The following NELL1 variants were observed in gnomAD, a reference collection of about 807,000 sequenced individuals.
NELL1 encodes neural EGFL like 1.
NELL1 carries 76 observed loss-of-function variants against 107.4 expected under a neutral mutation model. The ratio of observed to expected loss-of-function variants is 0.71; its 90% CI spans 0.59 to 0.86. The LOEUF (loss-of-function observed/expected upper bound fraction) is 0.86. NELL1 is among the 40% of genes least tolerant of loss of function. The pLI, the probability that NELL1 is intolerant of heterozygous loss-of-function variation, is 0.00. For missense variants in NELL1, 1,024 were observed against 1,005.5 expected (o/e 1.02, Z -0.25); for synonymous variants, 353 against 341.2 (o/e 1.03, Z -0.38).
chr11:21,499,636 G>C lies in NELL1; in HGVS notation c.1646-34738G>C, dbSNP rs539356603. Among the ~76,000 whole-genome samples the C allele has an allele frequency of 4.6e-5, 7 of 152,170 alleles. No homozygotes were observed. The East Asian group carries it at 1.4e-3, about 29-fold the overall frequency. The stretch of plus-strand genomic sequence containing the variant: ...TGTAAGTTTTCTTTCCAGGAGGAAG[G>C]CTCTCTGTATTGGTCAACTCTACTA... On this transcript the variant is annotated intron_variant, in intron 15 of 19. Coordinates refer to ENST00000357134, the MANE Select transcript of NELL1 (RefSeq NM_006157.5).
chr11:21,001,296 G>T (rs978895143), intron 12 of NELL1, among the ~76,000 whole-genome samples: 1 of 152,284 alleles, frequency 6.6e-6, no homozygotes, highest in African/African-American at 2.4e-5. Context: ...TTGTTAAGTT[G>T]TTCCCACTTT....
intron 16 of NELL1, among the ~76,000 whole-genome samples, chr11:21,541,416 T>G (rs776349699): frequency 3.2e-4 from 48 of 152,142 alleles, no homozygotes; most frequent in Non-Finnish European, 6.5e-4. Flanking sequence ...CTGAAATCCC[T>G]TGGGAAAGAA....
chr11:21,115,965 T>C (rs1416888923), intron 13 of NELL1, among the ~76,000 whole-genome samples: 2 of 151,992 alleles, frequency 1.3e-5, no homozygotes, highest in Non-Finnish European at 2.9e-5. Flanking sequence ...TCTTTCAACC[T>C]GCTTCCCTAT....
At chr11:21,357,462 T>C (rs921046634) in intron 14 of NELL1, among the ~76,000 whole-genome samples, 1 of 152,222 alleles carries the variant, frequency 6.6e-6, no homozygotes, top group Non-Finnish European at 1.5e-5. Flanking sequence ...ATTTTGAGAA[T>C]TGTCCATTCA....
intron 11 of NELL1, among the ~76,000 whole-genome samples, chr11:20,954,729 G>A (rs1398819432): frequency 6.6e-6 from 1 of 152,164 alleles, no homozygotes; most frequent in Non-Finnish European, 1.5e-5. Context: ...TTTTTGAGAA[G>A]AATGGTTAGG....
intron 14 of NELL1, among the ~76,000 whole-genome samples, chr11:21,322,017 A>G (rs967479109): frequency 7.9e-5 from 12 of 152,358 alleles, no homozygotes; most frequent in African/African-American, 2.9e-4. Flanking sequence ...AAATAAATAG[A>G]TGAATTCCAA....
intron 12 of NELL1, among the ~76,000 whole-genome samples, chr11:21,059,639 A>T (rs910912014): frequency 6.6e-6 from 1 of 152,162 alleles, no homozygotes; most frequent in Non-Finnish European, 1.5e-5. Context: ...AAAGTGATTA[A>T]CGTAATATGA....
intron 9 of NELL1, among the ~76,000 whole-genome samples, chr11:20,928,720 T>C (rs1346936363): frequency 6.6e-6 from 1 of 152,180 alleles, no homozygotes; most frequent in African/African-American, 2.4e-5. Context: ...TATTCTTCTT[T>C]CATTCTATGT....
chr11:20,694,622 A>T (rs1194385701), intron 2 of NELL1, among the ~76,000 whole-genome samples: 2 of 151,966 alleles, frequency 1.3e-5, no homozygotes, highest in African/African-American at 4.8e-5. Context: ...CTATTGGTCT[A>T]TGTGCTTGTT....
intron 15 of NELL1, among the ~76,000 whole-genome samples, chr11:21,515,648 A>C (rs1855541423): frequency 6.6e-6 from 1 of 152,178 alleles, no homozygotes; most frequent in Admixed American, 6.5e-5. Context: ...GGATCAATAA[A>C]GATATTGTAT....
At chr11:21,289,631 C>T (rs566380502) in intron 14 of NELL1, among the ~76,000 whole-genome samples, 42 of 152,204 alleles carry the variant, frequency 2.8e-4, no homozygotes, top group African/African-American at 8.7e-4. Context: ...TTTTCATACT[C>T]CAGTGGCACC....
intron 14 of NELL1, among the ~76,000 whole-genome samples, chr11:21,262,182 C>A (rs1198363491): frequency 1.3e-5 from 2 of 151,750 alleles, no homozygotes; most frequent in Non-Finnish European, 1.5e-5. Context: ...TATAAATACC[C>A]TCTAAGACAT....
intron 4 of NELL1, among the ~76,000 whole-genome samples, chr11:20,867,947 C>T (rs1375273945): frequency 1.3e-5 from 2 of 152,100 alleles, no homozygotes; most frequent in South Asian, 2.1e-4. Context: ...TACCCTCACT[C>T]ATATATACTT....
intron 13 of NELL1, among the ~76,000 whole-genome samples, chr11:21,182,264 T>C (rs1342034135): frequency 1.3e-5 from 2 of 151,544 alleles, no homozygotes; most frequent in Non-Finnish European, 2.9e-5. Flanking sequence ...CGAAACCCCG[T>C]CTCTACTAAA....
intron 7 of NELL1, among the ~76,000 whole-genome samples, chr11:20,921,394 A>G (rs1850373278): frequency 1.3e-5 from 2 of 152,148 alleles, no homozygotes; most frequent in Non-Finnish European, 2.9e-5. Flanking sequence ...TGCTTTACAG[A>G]TGAGATGACT....
chr11:21,061,281 C>G (rs1332998531), intron 12 of NELL1, among the ~76,000 whole-genome samples: 2 of 152,128 alleles, frequency 1.3e-5, no homozygotes, highest in Non-Finnish European at 2.9e-5. Flanking sequence ...GATTTCAAGT[C>G]ATGATAAAAC....
At position 21,271,985 on chromosome 11, in the gene NELL1, A is replaced by G. The variant is rs555652273; in HGVS notation, c.1549+42531A>G. 2.0e-5 allele frequency among the ~76,000 whole-genome samples: 3 copies of G among 152,176 alleles called. No individual in the cohort carries two copies. In the East Asian group the frequency reaches 5.8e-4, roughly 30 times the overall value. ...CAGTTCCCAGCATGAGCGATGCAGA[A>G]GATGGGTGATTTCTGCATTTCCAAC... is the stretch of plus-strand genomic sequence containing the variant. On this transcript the variant is annotated intron_variant, in intron 14 of 19. Transcript: ENST00000357134.
intron 2 of NELL1, among the ~76,000 whole-genome samples, chr11:20,723,447 G>T (rs1327683095): frequency 6.6e-6 from 1 of 152,152 alleles, no homozygotes; most frequent in African/African-American, 2.4e-5. Flanking sequence ...GAATCCTAAA[G>T]GGCCCTCAGT....
chr11:21,379,060 T>G (rs1372693322), intron 15 of NELL1, among the ~76,000 whole-genome samples: 1 of 152,046 alleles, frequency 6.6e-6, no homozygotes, highest in East Asian at 1.9e-4. Flanking sequence ...ACTCAATTAA[T>G]CAGTTTTTTT....
Sources: gnomAD v4.1 joint callset for allele counts (sites outside exome capture counted in the v4.1 genomes callset) on GRCh38, gnomAD v4.1.1 for gene constraint, MANE v1.5 for transcripts, NCBI Gene and HGNC (gene_info 2026-07-23, HGNC 2026-07-21) for gene names.